Variants in SLC25A19 observed in about 807,000 individuals in gnomAD.
The protein encoded by SLC25A19 is solute carrier family 25 member 19, also known as mitochondrial thiamine pyrophosphate carrier.
A neutral mutation model predicts 27.9 loss-of-function variants in SLC25A19; 18 were observed. That is an observed-to-expected ratio of 0.64 (90% CI 0.45 to 0.96). SLC25A19 has a LOEUF of 0.96. Among genes scored for constraint, SLC25A19 ranks in the 40% least tolerant of loss-of-function variants. The pLI, the probability that SLC25A19 is intolerant of heterozygous loss-of-function variation, is 0.00. For missense variants in SLC25A19, 371 were observed against 418.3 expected (o/e 0.89, Z 0.99); for synonymous variants, 169 against 167.1 (o/e 1.01, Z -0.09).
At chr17:75,285,222 C>T (rs2078154225) in intron 4 of SLC25A19, among the ~76,000 whole-genome samples, 1 of 152,140 alleles carries the variant, frequency 6.6e-6, no homozygotes, top group Admixed American at 6.6e-5. Context: ...CAGGTGTGAG[C>T]CACTATACCA....
chr17:75,285,672 T>C (rs2078163701), intron 4 of SLC25A19, among the ~76,000 whole-genome samples: 1 of 152,222 alleles, frequency 6.6e-6, no homozygotes, highest in Non-Finnish European at 1.5e-5. Context: ...CACCTCAGTC[T>C]TCTCATGCAT....
In SLC25A19 at chr17:75,289,371, G is replaced by T. The variant is rs1011586543; in HGVS notation, c.-146C>A. ...TTACTCACACGGCTCGGCGGGTGCGGCCCGGCTCAGCGCTCTCCGCTCTCT... is the reference window on the plus strand; with the variant it reads ...TTACTCACACGGCTCGGCGGGTGCGTCCCGGCTCAGCGCTCTCCGCTCTCT... On this transcript the variant is annotated 5_prime_UTR_variant, in exon 1 of 8. Coordinates refer to ENST00000416858, the MANE Select transcript of SLC25A19 (RefSeq NM_001126121.2). 1 of 151,576 alleles carries T rather than the reference G, an allele frequency of 6.6e-6. No individual in the cohort carries two copies. Among genetic ancestry groups the T allele is most frequent in the African/African-American group, 2.5e-5 (1 of 40,694 alleles). 9.4% of individuals were successfully genotyped at this position (151,576 alleles called of 1,614,324 possible). A position where few individuals can be genotyped will look rare whatever the true frequency, so the allele number is the denominator to read the frequency against.
chr17:75,286,116 G>A (rs1258060058), intron 4 of SLC25A19, among the ~76,000 whole-genome samples, 188 bp downstream of exon 4: 3 of 152,254 alleles, frequency 2.0e-5, no homozygotes, highest in South Asian at 2.1e-4. Flanking sequence ...GATAGACGCA[G>A]GGACATGGCG....
chr17:75,277,219 C>G, intron 7 of SLC25A19, 134 bp downstream of exon 7: 1 of 1,178,174 alleles, frequency 8.5e-7, no homozygotes, highest in Non-Finnish European at 1.2e-6. Context: ...TTAGGGATCT[C>G]AAGGAATGGA....
At chr17:75,283,628 A>G in intron 4 of SLC25A19, 35 bp from the exon 5 acceptor site, 2 of 1,601,650 alleles carry the variant, frequency 1.2e-6, no homozygotes, top group South Asian at 2.2e-5. Flanking sequence ...CCGACAGCCC[A>G]AAGGATGAGG....
chr17:75,276,582 G>T (rs531509162), intron 7 of SLC25A19, among the ~76,000 whole-genome samples: 1 of 149,058 alleles, frequency 6.7e-6, no homozygotes, highest in African/African-American at 2.4e-5. Context: ...TGATCAGGCT[G>T]GTCTAGAACT....
intron 5 of SLC25A19, among the ~76,000 whole-genome samples, chr17:75,281,362 C>G (rs2078035114): frequency 6.6e-6 from 1 of 152,150 alleles, no homozygotes; most frequent in African/African-American, 2.4e-5. Context: ...TTCCTCGAGT[C>G]TATCCCATTT....
chr17:75,288,687 C>T (rs2078239234), intron 1 of SLC25A19, 96 bp from the exon 2 acceptor site: 1 of 116,434 alleles, frequency 8.6e-6, no homozygotes, highest in African/African-American at 3.3e-5. Flanking sequence ...TAAAACTAGC[C>T]TTCAGAATTA....
chr17:75,276,312 T>TAA (rs2077885719), intron 7 of SLC25A19, among the ~76,000 whole-genome samples: 1 of 152,154 alleles, frequency 6.6e-6, no homozygotes, highest in African/African-American at 2.4e-5. Context: ...CATATATATA[T>TAA]AACCTAGTTG....
intron 4 of SLC25A19, among the ~76,000 whole-genome samples, chr17:75,285,457 C>T (rs1006197823): frequency 5.3e-5 from 8 of 152,200 alleles, no homozygotes; most frequent in Middle Eastern, 3.2e-3. Flanking sequence ...ATTTATTCGT[C>T]ATGCTGCAAT....
At chr17:75,287,564 C>T (rs2078212954) in intron 2 of SLC25A19, 1 of 152,208 alleles carries the variant, frequency 6.6e-6, no homozygotes, top group South Asian at 2.1e-4. Context: ...ATTTGAGAAT[C>T]GAATGAACAG....
chr17:75,277,495 A>C lies in SLC25A19; in HGVS notation c.644-12T>G. Reference sequence around the variant, plus strand: ...GTTTTGGAGGTTCTCTGAACCAGAGAAGTGGGATTGGGAGAATGGATGAGA... The same window carrying C: ...GTTTTGGAGGTTCTCTGAACCAGAGCAGTGGGATTGGGAGAATGGATGAGA... On this transcript the variant is annotated splice_polypyrimidine_tract_variant and intron_variant, in intron 6 of 7. Coordinates refer to ENST00000416858, the MANE Select transcript of SLC25A19 (RefSeq NM_001126121.2). 1 of 1,613,778 alleles carries C rather than the reference A, an allele frequency of 6.2e-7. No homozygotes were observed. Among genetic ancestry groups the C allele is most frequent in the Non-Finnish European group, 8.5e-7 (1 of 1,179,850 alleles).
At position 75,288,553 on chromosome 17, in the gene SLC25A19, C is replaced by T. The variant is rs2078235486; in HGVS notation, c.-90G>A. The T allele has an allele frequency of 3.3e-5, 5 of 150,878 alleles. No individual in the cohort carries two copies. Among genetic ancestry groups the T allele is most frequent in the African/African-American group, 1.2e-4 (5 of 40,952 alleles). The allele number at this position is 150,878 out of a possible 1,614,324, so 9.3% of individuals were successfully genotyped here. ...ATAGAAAGAAGTCTGTAACCACACA[C>T]ATCAACAGGTAGTTGGTAACTGATC... On this transcript the variant is annotated 5_prime_UTR_variant, in exon 2 of 8. The change creates a new upstream start codon in the 5' untranslated region. Coordinates refer to ENST00000416858, the MANE Select transcript of SLC25A19 (RefSeq NM_001126121.2).
rs1207495984 is a variant in SLC25A19, at chr17:75,277,476, G to T, written c.651C>A (p.Leu217=). The change falls in exon 7 of 8, where the codon CTC becomes CTA. Residue 217 remains leucine (L), a synonymous_variant. Coordinates refer to ENST00000416858, the MANE Select transcript of SLC25A19 (RefSeq NM_001126121.2). ...IPAEGKKNEN[L]QNLLCGSGAG... is the part of the protein sequence containing the mutation. ...CTCCACTGCCACAAAGCAGGTTTTGGAGGTTCTCTGAACCAGAGAAGTGGG... is the reference window on the plus strand; with the variant it reads ...CTCCACTGCCACAAAGCAGGTTTTGTAGGTTCTCTGAACCAGAGAAGTGGG... The T allele has an allele frequency of 6.2e-7, 1 of 1,613,982 alleles. No individual in the cohort carries two copies. Among genetic ancestry groups the T allele is most frequent in the Non-Finnish European group, 8.5e-7 (1 of 1,179,942 alleles).
rs776356552 is a variant in SLC25A19 at position 75,284,633 on chromosome 17, C to CATTTT, written c.289-1041_289-1040insAAAAT. Among the ~76,000 whole-genome samples, 16 of 112,300 alleles carry CATTTT rather than the reference C, an allele frequency of 1.4e-4. 4 individuals carry two copies. Among genetic ancestry groups the CATTTT allele is most frequent in the African/African-American group, 1.7e-4 (5 of 29,440 alleles). 73.7% of individuals were successfully genotyped at this position (112,300 alleles called of 152,430 possible). ...GTGACCCCCTTACATTCAGATCTTT[C>CATTTT]TTTTTTTTTTTTTTTTTTTTTTTTT... On this transcript the variant is annotated intron_variant, in intron 4 of 7. Transcript: ENST00000416858.
At chr17:75,282,625 G>T (rs995682117) in intron 5 of SLC25A19, among the ~76,000 whole-genome samples, 5 of 152,060 alleles carry the variant, frequency 3.3e-5, no homozygotes, top group African/African-American at 7.2e-5. Flanking sequence ...GGAGGCCGAG[G>T]CAGGCGGATC....
intron 5 of SLC25A19, among the ~76,000 whole-genome samples, chr17:75,281,145 C>T (rs2078030617): frequency 2.0e-5 from 3 of 151,944 alleles, no homozygotes; most frequent in African/African-American, 7.3e-5. Context: ...CAAGCTATTG[C>T]AGCCATTGTA....
intron 4 of SLC25A19, among the ~76,000 whole-genome samples, chr17:75,285,911 A>G (rs2145781590): frequency 6.6e-6 from 1 of 152,362 alleles, no homozygotes; most frequent in East Asian, 1.9e-4. Flanking sequence ...GGCCTCGGAC[A>G]GCTGACTTCT....
chr17:75,273,456 G>A lies in SLC25A19; in HGVS notation c.958C>T (p.Arg320Cys). 3 of 1,613,166 alleles carry A rather than the reference G, an allele frequency of 1.9e-6. No homozygotes were observed. The highest frequency in any genetic ancestry group is 2.5e-6 in the Non-Finnish European group (3 of 1,179,442). Residue 320 changes from arginine to cysteine, a missense_variant, in exon 8 of 8, where the codon CGC becomes TGC. Coordinates refer to ENST00000416858, the MANE Select transcript of SLC25A19 (RefSeq NM_001126121.2). ...FHCMNRTASQR is the reference protein window; with the variant it reads ...FHCMNRTASQC ...ACCTGGGGTCCTTCCTGCACTCAGC[G>A]CTGGCTGGCTGTCCTGTTCATGCAG...
Sources: allele counts gnomAD v4.1 joint callset (sites outside exome capture counted in the v4.1 genomes callset), GRCh38; gene constraint gnomAD v4.1.1; transcripts MANE v1.5; gene names NCBI Gene and HGNC (gene_info 2026-07-23, HGNC 2026-07-21).